RPTOR: variants seen among roughly 807,000 people sequenced by gnomAD.
RPTOR encodes regulatory associated protein of MTOR complex 1.
Under a neutral mutation model 169.9 loss-of-function variants are expected in RPTOR, and 21 were observed. That is an observed-to-expected ratio of 0.12 (90% CI 0.09 to 0.18). The LOEUF (loss-of-function observed/expected upper bound fraction) is 0.18, where lower values mean the gene tolerates loss of function less well. Among genes scored for constraint, RPTOR ranks in the 10% least tolerant of loss-of-function variants. RPTOR has a pLI of 1.00. For missense variants in RPTOR, 1,133 were observed against 1,855.9 expected, an observed-to-expected ratio of 0.61 and a Z score of 7.16; for synonymous variants, 732 against 753.2, an observed-to-expected ratio of 0.97 and a Z score of 0.46.
intron 1 of RPTOR, among the ~76,000 whole-genome samples, chr17:80,600,995 C>G (rs1406204755): frequency 6.6e-6 from 1 of 152,106 alleles, no homozygotes; most frequent in Non-Finnish European, 1.5e-5. Flanking sequence ...TGTTCTTTCC[C>G]TTGGATCTGG....
intron 10 of RPTOR, among the ~76,000 whole-genome samples, chr17:80,839,182 G>A (rs1485868481): frequency 6.6e-6 from 1 of 152,250 alleles, no homozygotes; most frequent in African/African-American, 2.4e-5. Flanking sequence ...CATGAGGTGT[G>A]TGTGATGTGC....
At chr17:80,592,900 C>T (rs4303599) in intron 1 of RPTOR, among the ~76,000 whole-genome samples, 36,164 of 152,108 alleles carry the variant, frequency 0.24, 5,302 homozygotes, top group East Asian at 0.42. Context: ...GGCGCAATGG[C>T]GGGCAGTGCT....
At chr17:80,954,053 C>G (rs894902863) in intron 28 of RPTOR, among the ~76,000 whole-genome samples, 1 of 152,240 alleles carries the variant, frequency 6.6e-6, no homozygotes. Flanking sequence ...CCTCAACCAC[C>G]TGGGCTCAAG....
rs1039332740 is a variant in RPTOR at position 80,959,262 on chromosome 17, C to T, written c.3478-816C>T. On this transcript the variant is annotated intron_variant, in intron 29 of 33. Transcript: ENST00000306801. This position sits in a 1 kb window ranked among gnomAD's most constrained non-coding sequence, Gnocchi z 6.7. Reference sequence around the variant, plus strand: ...ACCTGTCTGGAGCTGTGGCTCCACACGAGACGTAGCCCTCAGGGCACAGCG... The same window carrying T: ...ACCTGTCTGGAGCTGTGGCTCCACATGAGACGTAGCCCTCAGGGCACAGCG... Among the ~76,000 whole-genome samples, 4 of 152,220 alleles carry T rather than the reference C, an allele frequency of 2.6e-5. No homozygotes were observed. Among genetic ancestry groups the T allele is most frequent in the African/African-American group, 7.2e-5 (3 of 41,466 alleles).
At position 80,861,406 on chromosome 17, in the gene RPTOR, C is replaced by T. The variant is rs1306214352; in HGVS notation, c.1509+3506C>T. Among the ~76,000 whole-genome samples the T allele has an allele frequency of 1.4e-5, 2 of 144,924 alleles. No homozygotes were observed. The highest frequency in any genetic ancestry group is 3.1e-5 in the Non-Finnish European group (2 of 64,120). Reference sequence around the variant, plus strand: ...TTTTCTTGCTAAACAGAAAGCTTGGCTTTGTGGATCAGGACGCGAGAGGTG... The same window carrying T: ...TTTTCTTGCTAAACAGAAAGCTTGGTTTTGTGGATCAGGACGCGAGAGGTG... On this transcript the variant is annotated intron_variant, in intron 13 of 33. Coordinates refer to ENST00000306801, the MANE Select transcript of RPTOR (RefSeq NM_020761.3). The surrounding 1 kb of genome is among the most constrained non-coding windows in gnomAD (Gnocchi z 4.5).
chr17:80,828,069 G>GT (rs112325842), intron 9 of RPTOR, among the ~76,000 whole-genome samples: 137 of 152,332 alleles, frequency 9.0e-4, no homozygotes, highest in African/African-American at 3.1e-3. Context: ...TGGGACAGGA[G>GT]TGCACCCAGG....
At chr17:80,583,182 GTTTTTTTTTTTTTT>G (rs1166711662) in intron 1 of RPTOR, among the ~76,000 whole-genome samples, 3 of 79,270 alleles carry the variant, frequency 3.8e-5, no homozygotes, top group Non-Finnish European at 7.3e-5. Flanking sequence ...CCTCTTTCCT[GTTTTTTTTTTTTTT>G]TTTTTTTTTT....
intron 2 of RPTOR, among the ~76,000 whole-genome samples, chr17:80,642,305 A>T (rs1030159588): frequency 6.6e-6 from 1 of 152,018 alleles, no homozygotes; most frequent in Non-Finnish European, 1.5e-5. Flanking sequence ...TTGTGTTTTC[A>T]GAAGAGACGG....
intron 9 of RPTOR, among the ~76,000 whole-genome samples, chr17:80,834,677 G>A (rs529468942): frequency 1.3e-5 from 2 of 152,346 alleles, no homozygotes; most frequent in South Asian, 2.1e-4. Context: ...TTTGCTGGGC[G>A]GCATCCTGTC....
intron 13 of RPTOR, among the ~76,000 whole-genome samples, chr17:80,871,619 T>C (rs2068053816): frequency 6.6e-6 from 1 of 152,260 alleles, no homozygotes; most frequent in Non-Finnish European, 1.5e-5. Flanking sequence ...GCTAGGCTTT[T>C]GTTGCCTAAA....
intron 13 of RPTOR, among the ~76,000 whole-genome samples, chr17:80,880,166 C>T (rs770090857): frequency 4.6e-5 from 7 of 152,112 alleles, no homozygotes; most frequent in African/African-American, 7.2e-5. Context: ...GGTGCCCGGA[C>T]GTTGTGAAAG....
chr17:80,674,787 CAAAAAAAA>C (rs9319608), intron 3 of RPTOR, among the ~76,000 whole-genome samples: 4 of 89,946 alleles, frequency 4.4e-5, no homozygotes, highest in South Asian at 4.7e-4. Context: ...GACTCTGTCT[CAAAAAAAA>C]AAAAAAAAAA....
In RPTOR at chr17:80,708,054, G is replaced by C; in HGVS notation, c.507+55G>C. ...TTCTGCCAAAAGCCATGCCAATTGC[G>C]GTGGTCGGAGCAGGTCCTGCCCATC... On this transcript the variant is annotated intron_variant, in intron 4 of 33. Coordinates refer to ENST00000306801, the MANE Select transcript of RPTOR (RefSeq NM_020761.3). This position sits in a 1 kb window ranked among gnomAD's most constrained non-coding sequence, Gnocchi z 4.2. 1.9e-6 allele frequency: 3 copies of C among 1,559,538 alleles called. No individual in the cohort carries two copies.
At position 80,919,033 on chromosome 17, in the gene RPTOR, G is replaced by T. The variant is rs754371825; in HGVS notation, c.2521-3691G>T. On this transcript the variant is annotated intron_variant, in intron 21 of 33. Coordinates refer to ENST00000306801, the MANE Select transcript of RPTOR (RefSeq NM_020761.3). ...AGGAGCTGGTGGGCTGAGACACCTC[G>T]GCCTCCACTGACGCGGCGTTCTCTT... Among the ~76,000 whole-genome samples, 22 of 152,156 alleles carry T rather than the reference G, an allele frequency of 1.4e-4. 1 individual carries two copies.
intron 23 of RPTOR, 67 bp downstream of exon 23, chr17:80,923,740 G>T: frequency 1.4e-6 from 2 of 1,457,416 alleles, no homozygotes; most frequent in Non-Finnish European, 1.8e-6. Flanking sequence ...GGGGCTCATG[G>T]CCTCAGCCTC....
At chr17:80,692,146 C>T (rs1464186708) in intron 3 of RPTOR, among the ~76,000 whole-genome samples, 1 of 152,174 alleles carries the variant, frequency 6.6e-6, no homozygotes, top group African/African-American at 2.4e-5. Context: ...CAGGCTCTCA[C>T]TGTGGCCCAG....
intron 3 of RPTOR, among the ~76,000 whole-genome samples, chr17:80,702,189 G>A (rs975990922): frequency 2.6e-5 from 4 of 151,994 alleles, no homozygotes; most frequent in African/African-American, 9.7e-5. Flanking sequence ...ATGAAATTTG[G>A]AGCTGCATTT....
rs114082899 is a variant in RPTOR, at chr17:80,614,291, G to A, written c.163-11400G>A. ...GGGGCCTGTCCTCAGTGTTTCAGAGGCCTCACCTTGTCTCATGCTTGAAAT... is the reference window on the plus strand; with the variant it reads ...GGGGCCTGTCCTCAGTGTTTCAGAGACCTCACCTTGTCTCATGCTTGAAAT... On this transcript the variant is annotated intron_variant, in intron 1 of 33. Coordinates refer to ENST00000306801, the MANE Select transcript of RPTOR (RefSeq NM_020761.3). Among the ~76,000 whole-genome samples the A allele has an allele frequency of 3.7e-3, 563 of 152,278 alleles. 3 individuals are homozygous for A. The highest frequency in any genetic ancestry group is 0.013 in the African/African-American group (545 of 41,548).
Position 80,878,290 on chromosome 17 carries a change from C to T in RPTOR, c.1510-2125C>T, listed in dbSNP as rs1308359860. Among the ~76,000 whole-genome samples the T allele has an allele frequency of 6.6e-6, 1 of 152,214 alleles. No individual in the cohort carries two copies. The highest frequency in any genetic ancestry group is 1.9e-4 in the East Asian group (1 of 5,200). On this transcript the variant is annotated intron_variant, in intron 13 of 33. Transcript: ENST00000306801. The surrounding 1 kb of genome is among the most constrained non-coding windows in gnomAD (Gnocchi z 4.1). Reference sequence around the variant, plus strand: ...CAGCATCCATGATTTGTACATCGCACTGCAGTTTCAGACTGCTTTCACATG... The same window carrying T: ...CAGCATCCATGATTTGTACATCGCATTGCAGTTTCAGACTGCTTTCACATG...
Sources: allele counts gnomAD v4.1 joint callset (sites outside exome capture counted in the v4.1 genomes callset), GRCh38; gene constraint gnomAD v4.1.1; non-coding constraint Gnocchi (gnomAD v3.1); transcripts MANE v1.5; gene names NCBI Gene and HGNC (gene_info 2026-07-23, HGNC 2026-07-21).